ZFHX4: variants seen among roughly 807,000 people sequenced by gnomAD.
ZFHX4 encodes zinc finger homeobox protein 4.
Under a neutral mutation model 267.6 loss-of-function variants are expected in ZFHX4, and 56 were observed. That is an observed-to-expected ratio of 0.21 (90% confidence interval 0.17 to 0.26). The LOEUF (loss-of-function observed/expected upper bound fraction) is 0.26, where lower values mean the gene tolerates loss of function less well. ZFHX4 is among the 10% of genes least tolerant of loss of function. The pLI, the probability that ZFHX4 is intolerant of heterozygous loss-of-function variation, is 1.00. For synonymous variants in ZFHX4, 1,778 were observed against 1,665.6 expected, an observed-to-expected ratio of 1.07 and a Z score of -1.64; for missense variants, 4,332 against 4,420.0, an observed-to-expected ratio of 0.98 and a Z score of 0.56.
intron 3 of ZFHX4, among the ~76,000 whole-genome samples, chr8:76,738,920 G>C (rs894602077): frequency 6.6e-6 from 1 of 151,978 alleles, no homozygotes; most frequent in Non-Finnish European, 1.5e-5. Context: ...TTACCATGTT[G>C]CCCAGGCTGG....
chr8:76,717,388 T>A (rs1808604608), intron 3 of ZFHX4, among the ~76,000 whole-genome samples: 1 of 152,164 alleles, frequency 6.6e-6, no homozygotes, highest in South Asian at 2.1e-4. Context: ...TAGAGATGTT[T>A]GGAGAAATCT....
intron 4 of ZFHX4, among the ~76,000 whole-genome samples, chr8:76,800,748 A>G (rs538303890): frequency 2.6e-5 from 4 of 152,312 alleles, no homozygotes; most frequent in African/African-American, 9.6e-5. Context: ...ACTTAAGTGC[A>G]CTGTTTATAG....
At position 76,692,498 on chromosome 8, in the gene ZFHX4, C is replaced by T. The variant is rs180759656; in HGVS notation, c.-47+10878C>T. Among the ~76,000 whole-genome samples the T allele has an allele frequency of 5.2e-3, 795 of 152,098 alleles. 5 individuals carry two copies. Among genetic ancestry groups the T allele is most frequent in the Non-Finnish European group, 8.7e-3 (591 of 67,956 alleles). On this transcript the variant is annotated intron_variant, in intron 1 of 10. Coordinates refer to ENST00000651372, the MANE Select transcript of ZFHX4 (RefSeq NM_024721.5). ...TAATAATTCAATAACATTATGAAAC[C>T]TTAAATTTTCTTAGGTTATTTTACA...
chr8:76,727,073 G>C (rs1201642870), intron 3 of ZFHX4, among the ~76,000 whole-genome samples: 1 of 152,122 alleles, frequency 6.6e-6, no homozygotes, highest in Non-Finnish European at 1.5e-5. Context: ...ACTGTCCCCA[G>C]TATTAATAAC....
At chr8:76,769,237 C>G (rs1810193884) in intron 3 of ZFHX4, among the ~76,000 whole-genome samples, 1 of 152,146 alleles carries the variant, frequency 6.6e-6, no homozygotes, top group Non-Finnish European at 1.5e-5. Context: ...ATGTGAGAAA[C>G]AAATCTATTT....
At chr8:76,859,757 T>C (rs894548421) in intron 10 of ZFHX4, among the ~76,000 whole-genome samples, 2 of 152,100 alleles carry the variant, frequency 1.3e-5, no homozygotes, top group African/African-American at 4.8e-5. Flanking sequence ...ACAATTGTCT[T>C]TGGCCCCATG....
chr8:76,689,213 T>C (rs1446500239), intron 1 of ZFHX4, among the ~76,000 whole-genome samples: 1 of 152,132 alleles, frequency 6.6e-6, no homozygotes, highest in Non-Finnish European at 1.5e-5. Context: ...GGTATTTCCA[T>C]AAGAAAATGT....
At chr8:76,796,585 A>G (rs557883791) in intron 4 of ZFHX4, among the ~76,000 whole-genome samples, 8 of 152,144 alleles carry the variant, frequency 5.3e-5, no homozygotes, top group Admixed American at 3.3e-4. Flanking sequence ...AAGATGAGCA[A>G]CAGCGTGGTT....
At position 76,705,367 on chromosome 8, in the gene ZFHX4, C is replaced by T. The variant is rs1193777772; in HGVS notation, c.1279C>T (p.His427Tyr). 95 of 1,613,830 alleles carry T rather than the reference C, an allele frequency of 5.9e-5. No homozygotes were observed. The highest frequency in any genetic ancestry group is 7.8e-5 in the Non-Finnish European group (92 of 1,179,908). ...CCCAATTACCTCTGTCTCCCTCAGC[C>T]ACTCATCGTCTGAGTCTAGCAAGAT... The part of the protein sequence containing the change: ...NTPITSVSLS[H>Y]SSSESSKMSE... The change falls in exon 2 of 11, where the codon CAC becomes TAC. Residue 427 changes from histidine (H) to tyrosine (Y), a missense_variant. This residue lies in a region of ZFHX4 where 1,195 missense variants were observed against 1,173.6 expected (regional missense o/e 1.02). Transcript: ENST00000651372.
chr8:76,811,128 C>A (rs1411561979), intron 4 of ZFHX4, among the ~76,000 whole-genome samples: 1 of 152,166 alleles, frequency 6.6e-6, no homozygotes, highest in Admixed American at 6.5e-5. Context: ...CGGCTAAGGA[C>A]TTCCCCACAT....
At chr8:76,766,646 A>G (rs1563510029) in intron 3 of ZFHX4, among the ~76,000 whole-genome samples, 2 of 152,194 alleles carry the variant, frequency 1.3e-5, no homozygotes, top group South Asian at 4.1e-4. Context: ...CTATAGGTTT[A>G]AAATAATAAT....
At chr8:76,856,504 A>G (rs1016497945) in intron 10 of ZFHX4, among the ~76,000 whole-genome samples, 9 of 152,192 alleles carry the variant, frequency 5.9e-5, no homozygotes, top group African/African-American at 2.2e-4. Context: ...AATAAAGACT[A>G]GGTAGATCAC....
chr8:76,827,133 C>G (rs181870620), intron 4 of ZFHX4, among the ~76,000 whole-genome samples: 1 of 152,358 alleles, frequency 6.6e-6, no homozygotes, highest in East Asian at 1.9e-4. Flanking sequence ...TAATGGAAGA[C>G]AGTTTTTCCA....
intron 4 of ZFHX4, among the ~76,000 whole-genome samples, chr8:76,799,643 C>A (rs1053736071): frequency 6.6e-6 from 1 of 152,208 alleles, no homozygotes; most frequent in Non-Finnish European, 1.5e-5. Flanking sequence ...CTCTCTCACA[C>A]ATACTCGAGT....
rs150762746 is a variant in ZFHX4, at chr8:76,725,936, T to C, written c.3093+17888T>C. ...GTTAGCAGTGTCACAAATTAAAGCATTAATAGATTTGTGTTGCTTGAGGAA... is the reference window on the plus strand; with the variant it reads ...GTTAGCAGTGTCACAAATTAAAGCACTAATAGATTTGTGTTGCTTGAGGAA... On this transcript the variant is annotated intron_variant, in intron 3 of 10. Coordinates refer to ENST00000651372, the MANE Select transcript of ZFHX4 (RefSeq NM_024721.5). Among the ~76,000 whole-genome samples, 54 of 152,236 alleles carry C rather than the reference T, an allele frequency of 3.5e-4. 1 individual carries two copies. The East Asian group carries it at 9.7e-3, about 27-fold the overall frequency.
rs547483374 is a variant in ZFHX4, at chr8:76,780,099, T to C, written c.3325+1660T>C. ...AAGCATGGTAACCCATCATCAGTCT[T>C]TGGTAGGTTTTACCAGTGACTATAA... On this transcript the variant is annotated intron_variant, in intron 4 of 10. Coordinates refer to ENST00000651372, the MANE Select transcript of ZFHX4 (RefSeq NM_024721.5). Among the ~76,000 whole-genome samples the C allele has an allele frequency of 2.6e-5, 4 of 152,190 alleles. No individual in the cohort carries two copies. The South Asian group carries it at 8.3e-4, about 32-fold the overall frequency.
intron 3 of ZFHX4, among the ~76,000 whole-genome samples, chr8:76,725,626 A>G (rs1376487221): frequency 6.6e-6 from 1 of 152,168 alleles, no homozygotes. Flanking sequence ...ATTGATCGTT[A>G]CCAGTTGATA....
chr8:76,707,770 A>G lies in ZFHX4; in HGVS notation c.2815A>G (p.Ile939Val). ...CCCTGAAGAGGAATGGAGGGCAGTAATTGGAGATATCTACCAGTGCAAGCT... is the reference window on the plus strand; with the variant it reads ...CCCTGAAGAGGAATGGAGGGCAGTAGTTGGAGATATCTACCAGTGCAAGCT... ...SLPEEEWRAV[I>V]GDIYQCKLCN... Residue 939 changes from isoleucine (I) to valine (V), a missense_variant, in exon 3 of 11, where the codon ATT becomes GTT. By Grantham distance (29) the Ile-to-Val change is conservative (BLOSUM62 3). Around this residue, in one of 7 missense-constraint regions of ZFHX4, gnomAD observed 1,195 missense variants for 1,173.6 expected, o/e 1.02. Transcript: ENST00000651372. 6.2e-7 allele frequency: 1 copy of G among 1,613,986 alleles called. No individual in the cohort carries two copies. The highest frequency in any genetic ancestry group is 1.6e-4 in the Middle Eastern group (1 of 6,062).
rs1478593926 is a variant in ZFHX4 at position 76,838,615 on chromosome 8, A to G, written c.3395-4040A>G. On this transcript the variant is annotated intron_variant, in intron 5 of 10. Transcript: ENST00000651372. ...CACGAGCCAGGTGTCTTGTACAGAG[A>G]TACTCAATATGTTAATATAAAACTA... 3.9e-5 allele frequency among the ~76,000 whole-genome samples: 6 copies of G among 152,276 alleles called. No individual in the cohort carries two copies. The East Asian group carries it at 1.2e-3, about 29-fold the overall frequency.
Sources: gnomAD v4.1 joint callset for allele counts (sites outside exome capture counted in the v4.1 genomes callset) on GRCh38, gnomAD v4.1.1 for gene constraint, gnomAD v4.1.1 regional missense constraint, MANE v1.5 for transcripts, NCBI Gene and HGNC (gene_info 2026-07-23, HGNC 2026-07-21) for gene names.